GPR158: variants seen among roughly 807,000 people sequenced by gnomAD.
GPR158 encodes metabotropic glycine receptor.
Under a neutral mutation model 78.2 loss-of-function variants are expected in GPR158, and 30 were observed. The ratio of observed to expected loss-of-function variants is 0.38; its 90% CI spans 0.29 to 0.52. GPR158 has a LOEUF of 0.52. Among genes scored for constraint, GPR158 ranks in the 20% least tolerant of loss-of-function variants. The probability of loss-of-function intolerance (pLI) is 0.83; values close to 1 mark genes in which losing one functional copy is unlikely to be tolerated. For synonymous variants in GPR158, 581 were observed against 591.1 expected (o/e 0.98, Z 0.25); for missense variants, 1,463 against 1,523.5 (o/e 0.96, Z 0.66).
chr10:25,501,213 G>A (rs1835942521), intron 5 of GPR158, among the ~76,000 whole-genome samples: 1 of 152,132 alleles, frequency 6.6e-6, no homozygotes, highest in African/African-American at 2.4e-5. Context: ...GGATAGGTTA[G>A]CACCAGACAG....
intron 2 of GPR158, among the ~76,000 whole-genome samples, chr10:25,290,445 A>G (rs1353411648): frequency 1.3e-5 from 2 of 152,186 alleles, no homozygotes; most frequent in African/African-American, 4.8e-5. Flanking sequence ...GAATCCATTG[A>G]AAAAGCTTAA....
Position 25,176,080 on chromosome 10 carries a change from C to A in GPR158, c.660C>A (p.Thr220=). ...APHLANATLE[T]EWFHGLRRKW... The stretch of plus-strand genomic sequence containing the variant: ...ACCTGGCCAACGCCACTCTGGAGAC[C>A]GAGTGGTTCCACGGCCTCCGGCGCA... Residue 220 remains threonine, a synonymous_variant, in exon 1 of 11, where the codon ACC becomes ACA. Coordinates refer to ENST00000376351, the MANE Select transcript of GPR158 (RefSeq NM_020752.3). This position sits in a 1 kb window ranked among gnomAD's most constrained non-coding sequence, Gnocchi z 6.3. 2 of 1,598,432 alleles carry A rather than the reference C, an allele frequency of 1.3e-6. No individual in the cohort carries two copies. Among genetic ancestry groups the A allele is most frequent in the South Asian group, 1.1e-5 (1 of 88,960 alleles).
chr10:25,495,049 T>C (rs1371470550), intron 5 of GPR158, among the ~76,000 whole-genome samples: 1 of 152,006 alleles, frequency 6.6e-6, no homozygotes, highest in Non-Finnish European at 1.5e-5. Context: ...AAGCTGCAGG[T>C]CAATGGTGGG....
At chr10:25,508,259 A>G (rs1836040161) in intron 5 of GPR158, among the ~76,000 whole-genome samples, 1 of 152,182 alleles carries the variant, frequency 6.6e-6, no homozygotes, top group Non-Finnish European at 1.5e-5. Context: ...AATCAGGGAA[A>G]GTCACCTCCA....
intron 2 of GPR158, among the ~76,000 whole-genome samples, chr10:25,268,729 A>G (rs1465650525): frequency 1.3e-5 from 2 of 152,188 alleles, no homozygotes; most frequent in African/African-American, 4.8e-5. Context: ...GGGATAGAAT[A>G]TAGAAGAGTA....
intron 5 of GPR158, among the ~76,000 whole-genome samples, chr10:25,511,525 T>C (rs1190958494): frequency 1.3e-5 from 2 of 152,214 alleles, no homozygotes; most frequent in Non-Finnish European, 2.9e-5. Flanking sequence ...TCTTTTGCTA[T>C]GCAGAAGCAC....
intron 2 of GPR158, among the ~76,000 whole-genome samples, chr10:25,314,005 G>C (rs564330987): frequency 6.6e-6 from 1 of 152,134 alleles, no homozygotes; most frequent in Non-Finnish European, 1.5e-5. Context: ...TCTCTATTTA[G>C]TATATAAATC....
chr10:25,502,384 C>T (rs1442094294), intron 5 of GPR158, among the ~76,000 whole-genome samples: 7 of 152,148 alleles, frequency 4.6e-5, no homozygotes, highest in Admixed American at 4.6e-4. Flanking sequence ...ACACGGTGAA[C>T]TGAGGTAACT....
chr10:25,510,575 T>G (rs1384386791), intron 5 of GPR158, among the ~76,000 whole-genome samples: 1 of 152,138 alleles, frequency 6.6e-6, no homozygotes, highest in Admixed American at 6.5e-5. Context: ...TTTCAATAGT[T>G]TTTTGGGGAA....
chr10:25,386,416 C>T (rs532702221), intron 2 of GPR158, among the ~76,000 whole-genome samples: 12 of 152,096 alleles, frequency 7.9e-5, no homozygotes, highest in Admixed American at 3.9e-4. Flanking sequence ...TTGATGATTT[C>T]GGGTGCTTGG....
intron 4 of GPR158, among the ~76,000 whole-genome samples, chr10:25,429,358 C>T (rs900677707): frequency 3.3e-5 from 5 of 152,014 alleles, no homozygotes; most frequent in Non-Finnish European, 7.4e-5. Flanking sequence ...TATATGGCCT[C>T]CATGCAAGCA....
At chr10:25,248,375 A>G (rs976161666) in intron 2 of GPR158, among the ~76,000 whole-genome samples, 6 of 151,996 alleles carry the variant, frequency 3.9e-5, no homozygotes, top group Non-Finnish European at 8.8e-5. Flanking sequence ...GGTGTTTTGG[A>G]CATGGTCCTT....
At chr10:25,501,544 C>T (rs1835946208) in intron 5 of GPR158, among the ~76,000 whole-genome samples, 2 of 152,270 alleles carry the variant, frequency 1.3e-5, no homozygotes, top group South Asian at 2.1e-4. Flanking sequence ...ATAGTAGGCA[C>T]GTATGAAATA....
rs567323007 is a variant in GPR158 at position 25,591,212 on chromosome 10, C to T, written c.1892+2067C>T. 2.0e-5 allele frequency among the ~76,000 whole-genome samples: 3 copies of T among 152,186 alleles called. No homozygotes were observed. The South Asian group carries it at 6.2e-4, about 32-fold the overall frequency. On this transcript the variant is annotated intron_variant, in intron 8 of 10. Transcript: ENST00000376351. ...TTCAGAGTGTCACAATGCAAGTTAG[C>T]ATGCTGAGAAGTCCTGCTGCAAGGA...
chr10:25,299,706 T>G (rs1301028609), intron 2 of GPR158, among the ~76,000 whole-genome samples: 7 of 152,234 alleles, frequency 4.6e-5, no homozygotes. Flanking sequence ...GGAGTGCAGA[T>G]ATGTTTATAC....
chr10:25,536,985 T>A (rs1836510393), intron 5 of GPR158, among the ~76,000 whole-genome samples: 1 of 152,242 alleles, frequency 6.6e-6, no homozygotes, highest in Admixed American at 6.5e-5. Flanking sequence ...AAGCCCCTTT[T>A]ATGGCAGAGT....
chr10:25,382,515 G>A (rs1008858281), intron 2 of GPR158, among the ~76,000 whole-genome samples: 3 of 152,114 alleles, frequency 2.0e-5, no homozygotes, highest in African/African-American at 4.8e-5. Flanking sequence ...TTAAAACTGG[G>A]TTCTGACAGC....
At chr10:25,218,302 G>A (rs1223580330) in intron 1 of GPR158, among the ~76,000 whole-genome samples, 1 of 152,096 alleles carries the variant, frequency 6.6e-6, no homozygotes, top group Non-Finnish European at 1.5e-5. Context: ...AATGCTTCAC[G>A]GGCCGGGCTT....
intron 5 of GPR158, among the ~76,000 whole-genome samples, chr10:25,499,845 G>C (rs1010456687): frequency 2.6e-5 from 4 of 152,168 alleles, no homozygotes; most frequent in African/African-American, 9.6e-5. Flanking sequence ...AAGGGGCCCA[G>C]TGTGCCTGCG....
Sources: allele counts gnomAD v4.1 joint callset (sites outside exome capture counted in the v4.1 genomes callset), GRCh38; gene constraint gnomAD v4.1.1; non-coding constraint Gnocchi (gnomAD v3.1); transcripts MANE v1.5; gene names NCBI Gene and HGNC (gene_info 2026-07-23, HGNC 2026-07-21).